The following TRMT1 variants were observed in gnomAD, a reference collection of about 807,000 sequenced individuals.
TRMT1 encodes the protein tRNA methyltransferase 1.
In TRMT1, 63 loss-of-function variants were observed where a neutral mutation model predicts 75.4. That is an observed-to-expected ratio of 0.84 (90% confidence interval 0.68 to 1.03). The LOEUF (loss-of-function observed/expected upper bound fraction) is 1.03. Among genes scored for constraint, TRMT1 ranks in the 50% least tolerant of loss-of-function variants. The probability of loss-of-function intolerance (pLI) is 0.00; values close to 1 mark genes in which losing one functional copy is unlikely to be tolerated. For synonymous variants in TRMT1, 382 were observed against 358.1 expected (o/e 1.07, Z -0.75); for missense variants, 870 against 905.3 (o/e 0.96, Z 0.50).
chr19:13,116,518 G>T, intron 1 of TRMT1, 87 bp from the exon 2 acceptor site: 1 of 1,388,128 alleles, frequency 7.2e-7, no homozygotes. Flanking sequence ...ATGAGGTAGG[G>T]ACTAGGAAAA....
At chr19:13,112,088 C>G (rs1474577245) in intron 7 of TRMT1, among the ~76,000 whole-genome samples, 1 of 151,938 alleles carries the variant, frequency 6.6e-6, no homozygotes, top group Admixed American at 6.6e-5. Flanking sequence ...CTCCTGGGTT[C>G]AAGTGATTCT....
intron 16 of TRMT1, 75 bp from the exon 17 acceptor site, chr19:13,105,156 G>A (rs2018796181): frequency 6.5e-7 from 1 of 1,547,930 alleles, no homozygotes; most frequent in Non-Finnish European, 8.7e-7. Context: ...CCTGGGATGG[G>A]AAGCCCACTC....
chr19:13,110,272 C>G lies in TRMT1; in HGVS notation c.905G>C (p.Arg302Pro). 6.2e-7 allele frequency: 1 copy of G among 1,612,290 alleles called. No homozygotes were observed. Among genetic ancestry groups the G allele is most frequent in the Non-Finnish European group, 8.5e-7 (1 of 1,179,500 alleles). The change falls in exon 8 of 17, where the codon CGC (arginine) becomes CCC (proline). Residue 302 changes from arginine (R) to proline (P), a missense_variant. Physicochemically the swap from Arg to Pro is moderately radical, Grantham distance 103. Transcript: ENST00000357720. Reference protein sequence around the residue: ...LRIVLHSLDLRANCYQRFVVP... With the variant: ...LRIVLHSLDLPANCYQRFVVP... The stretch of plus-strand genomic sequence containing the variant: ...CACGAAGCGCTGGTAGCAGTTGGCG[C>G]GGAGGTCCAGGCTGTGCAGGACGAT...
Position 13,110,244 on chromosome 19 carries a change from C to T in TRMT1, c.933G>A (p.Val311=), listed in dbSNP as rs1391515248. The change falls in exon 8 of 17, where the codon GTG becomes GTA. Residue 311 remains valine, a synonymous_variant. Coordinates refer to ENST00000357720, the MANE Select transcript of TRMT1 (RefSeq NM_001136035.4). ...LRANCYQRFV[V]PLLSISADFY... is the part of the protein sequence containing the mutation. ...AGTCAGCGCTGATGCTGAGCAGCGG[C>T]ACCACGAAGCGCTGGTAGCAGTTGG... The T allele has an allele frequency of 4.3e-6, 7 of 1,613,186 alleles. No individual in the cohort carries two copies. The highest frequency in any genetic ancestry group is 3.3e-5 in the Admixed American group (2 of 60,016).
chr19:13,108,407 C>G (rs1447431958), intron 12 of TRMT1, among the ~76,000 whole-genome samples: 1 of 152,192 alleles, frequency 6.6e-6, no homozygotes, highest in East Asian at 1.9e-4. Context: ...TCTCCTGTCT[C>G]AGCCTCCTGA....
chr19:13,107,370 C>T lies in TRMT1; in HGVS notation c.1583+204G>A, dbSNP rs1282247492. Among the ~76,000 whole-genome samples the T allele has an allele frequency of 4.0e-5, 6 of 150,268 alleles. No homozygotes were observed. The East Asian group carries it at 1.0e-3, about 25-fold the overall frequency. ...GGCCAGGCTGGTCTTGAACTCCTGA[C>T]CTCAGGTGATCCACCTGCCTCAGCC... On this transcript the variant is annotated intron_variant, in intron 14 of 16. Transcript: ENST00000357720.
chr19:13,112,898 CCTT>C lies in TRMT1; in HGVS notation c.752_754del (p.Glu251del). ...CCCCAGTGCCATCCCCACCTCACCT[CCTT>C]CACTCACAGCCTGCACAGCTGCATC... is the stretch of plus-strand genomic sequence containing the variant. On this transcript the variant is annotated inframe_deletion, in exon 6 of 17. Transcript: ENST00000357720. The C allele has an allele frequency of 6.2e-7, 1 of 1,613,090 alleles. No individual in the cohort carries two copies. Among genetic ancestry groups the C allele is most frequent in the South Asian group, 1.1e-5 (1 of 90,874 alleles).
At position 13,112,925 on chromosome 19, in the gene TRMT1, T is replaced by C; in HGVS notation, c.728A>G (p.Asp243Gly). 2 of 1,613,722 alleles carry C rather than the reference T, an allele frequency of 1.2e-6. No individual in the cohort carries two copies. The highest frequency in any genetic ancestry group is 1.7e-6 in the Non-Finnish European group (2 of 1,179,820). ...TTCACTCACAGCCTGCACAGCTGCATCCAGGAAGGTGGCTGGGCTGCCATA... is the reference window on the plus strand; with the variant it reads ...TTCACTCACAGCCTGCACAGCTGCACCCAGGAAGGTGGCTGGGCTGCCATA... ...DPYGSPATFL[D>G]AAVQAVSEGG... Residue 243 changes from aspartate to glycine, a missense_variant, in exon 6 of 17, where the codon GAT becomes GGT. By Grantham distance (94) the Asp-to-Gly change is moderately conservative. Transcript: ENST00000357720.
chr19:13,107,549 C>A (rs369471251), intron 14 of TRMT1, 25 bp downstream of exon 14: 1 of 1,582,938 alleles, frequency 6.3e-7, no homozygotes, highest in Non-Finnish European at 8.6e-7. Flanking sequence ...CAGCCCTGGC[C>A]GCTCCTGCAT....
Position 13,116,383 on chromosome 19 carries a change from A to G in TRMT1, c.17T>C (p.Leu6Pro), listed in dbSNP as rs1351426050. Residue 6 changes from leucine (L) to proline (P), a missense_variant, in exon 2 of 17, where the codon CTG becomes CCG. Leu to Pro is a moderately conservative substitution (Grantham distance 98, BLOSUM62 -3). Coordinates refer to ENST00000357720, the MANE Select transcript of TRMT1 (RefSeq NM_001136035.4). Reference sequence around the variant, plus strand: ...GGAGCGGAAAGTGAGGCTTAGCCACAGAGACGATCCTTGCATGAGACATCC... The same window carrying G: ...GGAGCGGAAAGTGAGGCTTAGCCACGGAGACGATCCTTGCATGAGACATCC... MQGSS[L>P]WLSLTFRSAR... is the part of the protein sequence containing the mutation. The G allele has an allele frequency of 1.2e-6, 2 of 1,605,364 alleles. No individual in the cohort carries two copies. Among genetic ancestry groups the G allele is most frequent in the Non-Finnish European group, 1.7e-6 (2 of 1,177,516 alleles).
intron 12 of TRMT1, among the ~76,000 whole-genome samples, chr19:13,108,501 C>A (rs1023057400): frequency 6.7e-5 from 10 of 150,212 alleles, no homozygotes; most frequent in South Asian, 4.2e-4. Context: ...CCACGTTGAC[C>A]GGGCTGGTCT....
rs371960120 is a variant in TRMT1, at chr19:13,107,531, T to A, written c.1583+43A>T. ...GTCTGCACACACATGTGCTTCCATGTCTGTGGGCAGCCCTGGCCGCTCCTG... is the reference window on the plus strand; with the variant it reads ...GTCTGCACACACATGTGCTTCCATGACTGTGGGCAGCCCTGGCCGCTCCTG... On this transcript the variant is annotated intron_variant, in intron 14 of 16. Transcript: ENST00000357720. 5 of 1,564,874 alleles carry A rather than the reference T, an allele frequency of 3.2e-6. No individual in the cohort carries two copies. The African/African-American group carries it at 6.8e-5, about 21-fold the overall frequency.
Position 13,116,282 on chromosome 19 carries a change from C to G in TRMT1, c.118G>C (p.Gly40Arg), listed in dbSNP as rs763406970. 2.5e-6 allele frequency: 4 copies of G among 1,614,144 alleles called. No individual in the cohort carries two copies. In the South Asian group the frequency reaches 3.3e-5, roughly 13 times the overall value. Residue 40 changes from glycine (G) to arginine (R), a missense_variant, in exon 2 of 17, where the codon GGC becomes CGC. By Grantham distance (125) the Gly-to-Arg change is moderately radical. Transcript: ENST00000357720. ...CGTTCTTCTCCGTAGGGCCCGGTGC[C>G]GTTCTCCATCGCTGCTGTATTCGGC... ...GLPNTAAMEN[G>R]TGPYGEERPR... is the part of the protein sequence containing the mutation.
chr19:13,110,026 A>C lies in TRMT1; in HGVS notation c.1020-25T>G, dbSNP rs998142850. The C allele has an allele frequency of 5.6e-6, 9 of 1,612,540 alleles. No individual in the cohort carries two copies. The Admixed American group carries it at 6.7e-5, about 12-fold the overall frequency. ...GCTGTGGGGGGTACCAGTGGCCACG[A>C]GTTCCCAGCGTGACCACGACACCCC... On this transcript the variant is annotated intron_variant, in intron 8 of 16. Transcript: ENST00000357720.
chr19:13,107,672 T>C (rs1203598070), intron 13 of TRMT1, 22 bp from the exon 14 acceptor site: 1 of 1,590,566 alleles, frequency 6.3e-7, no homozygotes, highest in African/African-American at 1.3e-5. Context: ...GGTCAGAGGT[T>C]AGGGAATACT....
rs2019087496 is a variant in TRMT1, at chr19:13,110,235, G to A, written c.942C>T (p.Leu314=). ...GCACGTAGAAGTCAGCGCTGATGCT[G>A]AGCAGCGGCACCACGAAGCGCTGGT... ...NCYQRFVVPL[L]SISADFYVRV... The change falls in exon 8 of 17, where the codon CTC becomes CTT. Residue 314 remains leucine, a synonymous_variant. Transcript: ENST00000357720. The A allele has an allele frequency of 1.2e-6, 2 of 1,612,806 alleles. No individual in the cohort carries two copies. Among genetic ancestry groups the A allele is most frequent in the Admixed American group, 1.7e-5 (1 of 59,992 alleles).
At position 13,110,281 on chromosome 19, in the gene TRMT1, A is replaced by C; in HGVS notation, c.896T>G (p.Leu299Arg). Residue 299 changes from leucine to arginine, a missense_variant, in exon 8 of 17, where the codon CTG becomes CGG. Coordinates refer to ENST00000357720, the MANE Select transcript of TRMT1 (RefSeq NM_001136035.4). Reference sequence around the variant, plus strand: ...CTGGTAGCAGTTGGCGCGGAGGTCCAGGCTGTGCAGGACGATTCTCAGGGC... The same window carrying C: ...CTGGTAGCAGTTGGCGCGGAGGTCCCGGCTGTGCAGGACGATTCTCAGGGC... ...EMALRIVLHS[L>R]DLRANCYQRF... The C allele has an allele frequency of 6.4e-7, 1 of 1,570,446 alleles. No individual in the cohort carries two copies. The highest frequency in any genetic ancestry group is 1.1e-5 in the South Asian group (1 of 90,056).
Position 13,109,022 on chromosome 19 carries a change from C to G in TRMT1, c.1397+359G>C, listed in dbSNP as rs2019009619. On this transcript the variant is annotated intron_variant, in intron 12 of 16. Transcript: ENST00000357720. ...GCATCAAACTCCTGGCCCAAATGATCCTCCCACCTCAGCCTCCTGAGTAGT... is the reference window on the plus strand; with the variant it reads ...GCATCAAACTCCTGGCCCAAATGATGCTCCCACCTCAGCCTCCTGAGTAGT... Among the ~76,000 whole-genome samples the G allele has an allele frequency of 2.7e-5, 4 of 150,306 alleles. No individual in the cohort carries two copies. The East Asian group carries it at 7.8e-4, about 29-fold the overall frequency.
rs201403342 is a variant in TRMT1, at chr19:13,105,040, G to A, written c.1875C>T (p.Ser625=). 39 of 1,608,726 alleles carry A rather than the reference G, an allele frequency of 2.4e-5. No homozygotes were observed. The highest frequency in any genetic ancestry group is 8.0e-5 in the African/African-American group (6 of 74,998). The change falls in exon 17 of 17, where the codon AGC becomes AGT. Residue 625 remains serine, a synonymous_variant. Transcript: ENST00000357720. ...CAGCAGAAACCCTGGGTGTCGGGGG[G>A]CTGTGGGAGTAGCAGCACTGGTCCC... The part of the protein sequence containing the change: ...QRGDQCCYSH[S]PPTPRVSADA...
Sources: allele counts gnomAD v4.1 joint callset (sites outside exome capture counted in the v4.1 genomes callset), GRCh38; gene constraint gnomAD v4.1.1; transcripts MANE v1.5; gene names NCBI Gene and HGNC (gene_info 2026-07-23, HGNC 2026-07-21).